The following ARHGEF10L variants were observed in gnomAD, a reference collection of about 807,000 sequenced individuals.
The protein encoded by ARHGEF10L is Rho guanine nucleotide exchange factor 10 like.
Under a neutral mutation model 141.2 loss-of-function variants are expected in ARHGEF10L, and 69 were observed. The ratio of observed to expected loss-of-function variants is 0.49; its 90% CI spans 0.40 to 0.60. The LOEUF (loss-of-function observed/expected upper bound fraction) is 0.60. Ranked by LOEUF, ARHGEF10L falls within the 20% of genes least tolerant of loss-of-function variation. The probability of loss-of-function intolerance (pLI) is 0.00; values close to 1 mark genes in which losing one functional copy is unlikely to be tolerated. For synonymous variants in ARHGEF10L, 711 were observed against 718.5 expected, an observed-to-expected ratio of 0.99 and a Z score of 0.17; for missense variants, 1,482 against 1,734.3, an observed-to-expected ratio of 0.85 and a Z score of 2.58.
intron 1 of ARHGEF10L, among the ~76,000 whole-genome samples, chr1:17,545,719 G>A (rs1292537102): frequency 2.0e-5 from 3 of 152,200 alleles, no homozygotes; most frequent in Non-Finnish European, 4.4e-5. Context: ...TTCAGGACCT[G>A]CATGAGAGAG....
intron 1 of ARHGEF10L, among the ~76,000 whole-genome samples, chr1:17,567,522 A>C (rs2077810003): frequency 6.6e-6 from 1 of 152,150 alleles, no homozygotes; most frequent in African/African-American, 2.4e-5. Context: ...ATGTGCCACC[A>C]TGCCCAGCTC....
chr1:17,560,587 C>T (rs1010809295), intron 1 of ARHGEF10L, among the ~76,000 whole-genome samples: 8 of 152,108 alleles, frequency 5.3e-5, no homozygotes, highest in East Asian at 1.9e-4. Flanking sequence ...TTTTTTGAGA[C>T]GGAGTTTCAC....
In ARHGEF10L at chr1:17,638,655, C is replaced by T. The variant is rs1304791222; in HGVS notation, c.2137C>T (p.Arg713Cys). 6 of 1,613,996 alleles carry T rather than the reference C, an allele frequency of 3.7e-6. No individual in the cohort carries two copies. Among genetic ancestry groups the T allele is most frequent in the African/African-American group, 2.7e-5 (2 of 74,922 alleles). ...EEEIHSANKC[R>C]LRLLLPGKPD... ...AGAGATCCACTCGGCCAACAAGTGCCGTCTCAGGCTCCTGCTTCCTGGGAA... is the reference window on the plus strand; with the variant it reads ...AGAGATCCACTCGGCCAACAAGTGCTGTCTCAGGCTCCTGCTTCCTGGGAA... Residue 713 changes from arginine to cysteine, a missense_variant, in exon 20 of 29, where the codon CGT becomes TGT. Coordinates refer to ENST00000361221, the MANE Select transcript of ARHGEF10L (RefSeq NM_018125.4).
chr1:17,576,286 C>T (rs2100433299), intron 1 of ARHGEF10L, among the ~76,000 whole-genome samples: 1 of 152,178 alleles, frequency 6.6e-6, no homozygotes, highest in East Asian at 1.9e-4. Context: ...AACTAATAAG[C>T]ACTGACTAAA....
At chr1:17,517,579 C>G in the ARHGEF10L span, among the ~76,000 whole-genome samples, 3 of 152,032 alleles carry the variant, frequency 2.0e-5, no homozygotes, top group Non-Finnish European at 4.4e-5. Context: ...TCCCAAAGTG[C>G]TAAGATTATA....
chr1:17,668,513 G>A (rs957910125), intron 26 of ARHGEF10L, among the ~76,000 whole-genome samples: 2 of 152,246 alleles, frequency 1.3e-5, no homozygotes, highest in East Asian at 1.9e-4. Context: ...GCTACAGCAC[G>A]AGGCTGTGAT....
intron 25 of ARHGEF10L, among the ~76,000 whole-genome samples, chr1:17,660,034 T>G (rs1281500095): frequency 1.3e-5 from 2 of 152,188 alleles, no homozygotes; most frequent in Non-Finnish European, 2.9e-5. Flanking sequence ...ATCTGCTTGT[T>G]CTCATTCATT....
At chr1:17,601,049 CAA>C (rs55806926) in intron 4 of ARHGEF10L, among the ~76,000 whole-genome samples, 2,632 of 51,030 alleles carry the variant, frequency 0.052, 54 homozygotes, top group African/African-American at 0.16. Flanking sequence ...GGCTCTGTCT[CAA>C]AAAAAAAAAA....
intron 1 of ARHGEF10L, among the ~76,000 whole-genome samples, chr1:17,576,171 G>T (rs2078214451): frequency 1.3e-5 from 2 of 152,156 alleles, no homozygotes; most frequent in South Asian, 4.1e-4. Context: ...TGTGTGAGGG[G>T]TGGGAGATGG....
chr1:17,521,337 C>T, the ARHGEF10L span, among the ~76,000 whole-genome samples: 13 of 152,202 alleles, frequency 8.5e-5, no homozygotes, highest in Admixed American at 3.9e-4. Context: ...GCTGGGATTA[C>T]AGGCATGCGC....
chr1:17,631,895 AAACT>A (rs2060714978), intron 15 of ARHGEF10L, among the ~76,000 whole-genome samples: 1 of 152,228 alleles, frequency 6.6e-6, no homozygotes, highest in Admixed American at 6.5e-5. Flanking sequence ...GTAGCTGAGT[AAACT>A]AAGGCTTGGA....
intron 7 of ARHGEF10L, among the ~76,000 whole-genome samples, chr1:17,609,907 A>G (rs1000462042): frequency 6.6e-6 from 1 of 152,166 alleles, no homozygotes; most frequent in African/African-American, 2.4e-5. Context: ...CACTCCCCCC[A>G]GTAGCCTCTC....
Position 17,676,367 on chromosome 1 carries a change from G to A in ARHGEF10L, c.3010-11206G>A, listed in dbSNP as rs2063720193. On this transcript the variant is annotated intron_variant, in intron 26 of 28. Coordinates refer to ENST00000361221, the MANE Select transcript of ARHGEF10L (RefSeq NM_018125.4). ...GGCGTGGGTGCAGGTGTGGGTGCAG[G>A]TGTGGGTGAGGTGTAGATGCAGGTG... Among the ~76,000 whole-genome samples, 3 of 146,154 alleles carry A rather than the reference G, an allele frequency of 2.1e-5. No homozygotes were observed. In the Admixed American group the frequency reaches 2.1e-4, roughly 10 times the overall value.
chr1:17,683,101 C>G (rs987825783), intron 26 of ARHGEF10L, among the ~76,000 whole-genome samples: 2 of 148,200 alleles, frequency 1.3e-5, no homozygotes, highest in Admixed American at 6.6e-5. Flanking sequence ...GTGCTCACTG[C>G]CCCCTGCTCT....
At position 17,673,138 on chromosome 1, in the gene ARHGEF10L, G is replaced by A. The variant is rs562603242; in HGVS notation, c.3009+8543G>A. Among the ~76,000 whole-genome samples, 17 of 152,350 alleles carry A rather than the reference G, an allele frequency of 1.1e-4. No individual in the cohort carries two copies. The highest frequency in any genetic ancestry group is 9.6e-4 in the East Asian group (5 of 5,182). On this transcript the variant is annotated intron_variant, in intron 26 of 28. Transcript: ENST00000361221. The surrounding 1 kb of genome is among the most constrained non-coding windows in gnomAD (Gnocchi z 4.1). ...GGGAACCTGGAGGAAAAAGGGAACC[G>A]GTACAGGGAAGGCGGATGAACAGAC...
Position 17,621,869 on chromosome 1 carries a change from C to A in ARHGEF10L, c.948C>A (p.Val316=), listed in dbSNP as rs1357642717. The stretch of plus-strand genomic sequence containing the variant: ...GTGCTTTTTGGCCCGAGCAGGTGGT[C>A]CGGAGGCATATCCTGGGCTCCATCG... The part of the protein sequence containing the change: ...MPEGLSPQQV[V]RRHILGSIVQ... The change falls in exon 11 of 29, where the codon GTC becomes GTA. Residue 316 remains valine (V), a synonymous_variant. Transcript: ENST00000361221. This position sits in a 1 kb window ranked among gnomAD's most constrained non-coding sequence, Gnocchi z 4.1. 1 of 1,614,090 alleles carries A rather than the reference C, an allele frequency of 6.2e-7. No individual in the cohort carries two copies. The highest frequency in any genetic ancestry group is 2.2e-5 in the East Asian group (1 of 44,860).
chr1:17,655,466 TCC>T, intron 23 of ARHGEF10L, among the ~76,000 whole-genome samples: 1 of 119,166 alleles, frequency 8.4e-6, no homozygotes, highest in African/African-American at 2.6e-5. Context: ...CATCCATCCA[TCC>T]ATCCATCCAT....
Position 17,660,271 on chromosome 1 carries a change from G to C in ARHGEF10L, c.2860+3563G>C, listed in dbSNP as rs916886060. On this transcript the variant is annotated intron_variant, in intron 25 of 28. Coordinates refer to ENST00000361221, the MANE Select transcript of ARHGEF10L (RefSeq NM_018125.4). Reference sequence around the variant, plus strand: ...CTGTGGTTCGGAGTCCCCCCTTGAGGAGGCAGATGGCATAATGGGTAAGGG... The same window carrying C: ...CTGTGGTTCGGAGTCCCCCCTTGAGCAGGCAGATGGCATAATGGGTAAGGG... Among the ~76,000 whole-genome samples the C allele has an allele frequency of 3.3e-5, 5 of 152,310 alleles. No individual in the cohort carries two copies. The South Asian group carries it at 1.0e-3, about 32-fold the overall frequency.
At position 17,576,102 on chromosome 1, in the gene ARHGEF10L, C is replaced by T. The variant is rs2078211468; in HGVS notation, c.-43-4451C>T. ...GCGCAGCCTTCCAGACTTTCAGGGC[C>T]CCCAAGTGTTTTCTTCCTCCAGGCC... On this transcript the variant is annotated intron_variant, in intron 1 of 28. Coordinates refer to ENST00000361221, the MANE Select transcript of ARHGEF10L (RefSeq NM_018125.4). Among the ~76,000 whole-genome samples the T allele has an allele frequency of 3.3e-5, 5 of 152,216 alleles. No individual in the cohort carries two copies. In the South Asian group the frequency reaches 1.0e-3, roughly 32 times the overall value.
Sources: gnomAD v4.1 joint callset for allele counts (sites outside exome capture counted in the v4.1 genomes callset) on GRCh38, gnomAD v4.1.1 for gene constraint, Gnocchi (gnomAD v3.1) non-coding constraint, MANE v1.5 for transcripts, NCBI Gene and HGNC (gene_info 2026-07-23, HGNC 2026-07-21) for gene names.